GTF2E2: variants seen among roughly 807,000 people sequenced by gnomAD.
GTF2E2 encodes transcription initiation factor IIE subunit beta.
In GTF2E2, 21 loss-of-function variants were observed where a neutral mutation model predicts 40.5. That is an observed-to-expected ratio of 0.52 (90% CI 0.37 to 0.75). GTF2E2 has a LOEUF of 0.75. GTF2E2 is among the 30% of genes least tolerant of loss of function. GTF2E2 has a pLI of 0.00. For synonymous variants in GTF2E2, 117 were observed against 121.6 expected (o/e 0.96, Z 0.25); for missense variants, 298 against 338.4 (o/e 0.88, Z 0.94).
intron 3 of GTF2E2, among the ~76,000 whole-genome samples, chr8:30,617,879 G>A (rs986431554): frequency 6.6e-6 from 1 of 152,150 alleles, no homozygotes. Flanking sequence ...GGAAACGCCG[G>A]GCAGCTATAG....
At chr8:30,598,322 G>T (rs1256204833) in intron 6 of GTF2E2, among the ~76,000 whole-genome samples, 1 of 152,074 alleles carries the variant, frequency 6.6e-6, no homozygotes, top group African/African-American at 2.4e-5. Context: ...TGACACAATC[G>T]CAGAGGTAAT....
At chr8:30,640,404 A>AAAT (rs1233189521) in intron 2 of GTF2E2, among the ~76,000 whole-genome samples, 2 of 152,116 alleles carry the variant, frequency 1.3e-5, no homozygotes, top group South Asian at 2.1e-4. Flanking sequence ...AAATGGGAGT[A>AAAT]AACATATCAA....
At chr8:30,591,630 G>GT (rs1181590284) in intron 6 of GTF2E2, among the ~76,000 whole-genome samples, 1 of 152,242 alleles carries the variant, frequency 6.6e-6, no homozygotes, top group Non-Finnish European at 1.5e-5. Flanking sequence ...TAAAATCAGT[G>GT]TTGGCAAGGG....
intron 2 of GTF2E2, among the ~76,000 whole-genome samples, chr8:30,638,420 AAAGGAG>A (rs1179057371): frequency 6.6e-6 from 1 of 152,236 alleles, no homozygotes; most frequent in African/African-American, 2.4e-5. Flanking sequence ...ACAAAAAAAT[AAAGGAG>A]AAGGGATGAC....
chr8:30,594,489 C>T (rs1165141940), intron 6 of GTF2E2, among the ~76,000 whole-genome samples: 3 of 150,746 alleles, frequency 2.0e-5, no homozygotes, highest in Non-Finnish European at 2.9e-5. Context: ...AACTTCTGAC[C>T]TAAAGTGGCC....
chr8:30,617,286 G>T (rs1319131254), intron 3 of GTF2E2, among the ~76,000 whole-genome samples: 5 of 152,274 alleles, frequency 3.3e-5, no homozygotes, highest in Non-Finnish European at 5.9e-5. Flanking sequence ...ACCATTCATT[G>T]AGCGTTTGCT....
intron 2 of GTF2E2, chr8:30,637,362 T>A (rs1398516011): frequency 2.2e-6 from 1 of 449,452 alleles, no homozygotes; most frequent in East Asian, 7.0e-5. Context: ...TTATGAGACA[T>A]GATGCTTATG....
At chr8:30,593,368 T>G (rs1359096937) in intron 6 of GTF2E2, among the ~76,000 whole-genome samples, 2 of 152,266 alleles carry the variant, frequency 1.3e-5, no homozygotes, top group African/African-American at 2.4e-5. Flanking sequence ...TAACTGTGGA[T>G]GTATGTATTT....
intron 6 of GTF2E2, among the ~76,000 whole-genome samples, chr8:30,605,113 C>T (rs963590129): frequency 1.3e-5 from 2 of 152,196 alleles, no homozygotes; most frequent in Non-Finnish European, 2.9e-5. Context: ...CTACTGCAAT[C>T]TCTTTCCTAT....
intron 2 of GTF2E2, among the ~76,000 whole-genome samples, chr8:30,650,257 A>G (rs1802226571): frequency 6.6e-6 from 1 of 152,204 alleles, no homozygotes. Context: ...GATTTATTTC[A>G]GGAATAAATG....
intron 3 of GTF2E2, among the ~76,000 whole-genome samples, chr8:30,628,893 T>C (rs768445904): frequency 4.0e-5 from 6 of 149,102 alleles, no homozygotes; most frequent in Non-Finnish European, 7.4e-5. Flanking sequence ...ACAGTGCCAC[T>C]GCACTCCAGC....
intron 2 of GTF2E2, chr8:30,643,692 C>T (rs902698860): frequency 3.4e-5 from 5 of 148,666 alleles, no homozygotes; most frequent in Admixed American, 2.0e-4. Flanking sequence ...ACATGGGATA[C>T]TCTGGTTTCT....
At chr8:30,636,866 A>G in intron 2 of GTF2E2, 2 of 361,076 alleles carry the variant, frequency 5.5e-6, no homozygotes, top group South Asian at 4.2e-5. Flanking sequence ...TTAAAAAAAA[A>G]AAAAAAAAGA....
chr8:30,612,555 C>T (rs940825762), intron 4 of GTF2E2, 74 bp from the exon 5 acceptor site: 3 of 895,118 alleles, frequency 3.4e-6, no homozygotes, highest in Non-Finnish European at 4.9e-6. Flanking sequence ...GAAACGTAAT[C>T]TTGCTCTGTC....
intron 6 of GTF2E2, among the ~76,000 whole-genome samples, chr8:30,602,272 C>A (rs1293120306): frequency 6.6e-6 from 1 of 152,058 alleles, no homozygotes; most frequent in Non-Finnish European, 1.5e-5. Flanking sequence ...CTAAGGCAGG[C>A]CTCCCAAAGT....
Position 30,596,045 on chromosome 8 carries a change from T to G in GTF2E2, c.643+11012A>C, listed in dbSNP as rs961665652. Among the ~76,000 whole-genome samples the G allele has an allele frequency of 3.9e-5, 6 of 152,346 alleles. No individual in the cohort carries two copies. The East Asian group carries it at 1.2e-3, about 29-fold the overall frequency. ...TTTTTTTCCTCTGGAATTAGTCTCT[T>G]TCCTCTGACTGCCTTCAATATTTTC... On this transcript the variant is annotated intron_variant, in intron 6 of 7. Transcript: ENST00000355904.
In GTF2E2 at chr8:30,635,068, C is replaced by T. The variant is rs764547688; in HGVS notation, c.222G>A (p.Lys74=). The T allele has an allele frequency of 3.7e-6, 6 of 1,608,024 alleles. No individual in the cohort carries two copies. Among genetic ancestry groups the T allele is most frequent in the Non-Finnish European group, 5.1e-6 (6 of 1,175,314 alleles). ...LKALSGSSGY[K]FGVLAKIVNY... ...TCACAATCTTAGCAAGAACACCAAA[C>T]TTATATCCAGAGCTTCCTGACAAAG... Residue 74 remains lysine, a synonymous_variant, in exon 3 of 8, where the codon AAG becomes AAA. Transcript: ENST00000355904.
At chr8:30,619,990 C>G (rs1801040422) in intron 3 of GTF2E2, among the ~76,000 whole-genome samples, 1 of 151,760 alleles carries the variant, frequency 6.6e-6, no homozygotes, top group South Asian at 2.1e-4. Context: ...GATGTGACAA[C>G]AGAAGAGGAT....
Position 30,645,269 on chromosome 8 carries a change from C to T in GTF2E2, c.166+8164G>A, listed in dbSNP as rs1284781660. Reference sequence around the variant, plus strand: ...GTTTGCTACATAAATTCATTTTCTACCTTTTTTATAGATTCAAAAGAGCAA... The same window carrying T: ...GTTTGCTACATAAATTCATTTTCTATCTTTTTTATAGATTCAAAAGAGCAA... On this transcript the variant is annotated intron_variant, in intron 2 of 7. Coordinates refer to ENST00000355904, the MANE Select transcript of GTF2E2 (RefSeq NM_002095.6). 1.4e-5 allele frequency: 21 copies of T among 1,498,226 alleles called. No homozygotes were observed. The East Asian group carries it at 4.9e-4, about 35-fold the overall frequency. The allele number at this position is 1,498,226 out of a possible 1,614,324, so 92.8% of individuals were successfully genotyped here.
Sources: allele counts gnomAD v4.1 joint callset (sites outside exome capture counted in the v4.1 genomes callset), GRCh38; gene constraint gnomAD v4.1.1; transcripts MANE v1.5; gene names NCBI Gene and HGNC (gene_info 2026-07-23, HGNC 2026-07-21).